SPRED2: variants seen among roughly 807,000 people sequenced by gnomAD.
SPRED2 encodes sprouty related EVH1 domain containing 2, also known as sprouty-related, EVH1 domain-containing protein 2.
Under a neutral mutation model 43.0 loss-of-function variants are expected in SPRED2, and 47 were observed. The observed-to-expected ratio is 1.09, with a 90% CI of 0.87 to 1.40. The LOEUF (loss-of-function observed/expected upper bound fraction) is 1.40, where lower values mean the gene tolerates loss of function less well. SPRED2 is among the 40% of genes most tolerant of loss of function. SPRED2 has a pLI of 0.00. For synonymous variants in SPRED2, 225 were observed against 225.7 expected, an observed-to-expected ratio of 1.00 and a Z score of 0.03; for missense variants, 561 against 586.4, an observed-to-expected ratio of 0.96 and a Z score of 0.45.
At chr2:65,322,270 C>CTATATATA (rs68086040) in intron 4 of SPRED2, among the ~76,000 whole-genome samples, 5 of 36,470 alleles carry the variant, frequency 1.4e-4, no homozygotes, top group Admixed American at 4.6e-4. Context: ...CTCTCTCTCT[C>CTATATATA]TATATATATA....
chr2:65,320,624 G>A (rs1001163826), intron 4 of SPRED2, among the ~76,000 whole-genome samples: 7 of 152,176 alleles, frequency 4.6e-5, no homozygotes, highest in African/African-American at 1.2e-4. Flanking sequence ...CTGAGGTTGC[G>A]TCCTAGCCGA....
chr2:65,375,488 G>C (rs1015018515), intron 1 of SPRED2, among the ~76,000 whole-genome samples: 18 of 152,180 alleles, frequency 1.2e-4, no homozygotes, highest in Non-Finnish European at 7.4e-5. Flanking sequence ...AGGGCCAAAG[G>C]AGGAGGGCTT....
intron 1 of SPRED2, among the ~76,000 whole-genome samples, chr2:65,394,038 A>C (rs146162873): frequency 6.6e-6 from 1 of 152,308 alleles, no homozygotes; most frequent in Non-Finnish European, 1.5e-5. Flanking sequence ...CGTGTGAAAT[A>C]CTAAGGCAGG....
At chr2:65,412,416 T>C (rs569979555) in intron 1 of SPRED2, among the ~76,000 whole-genome samples, 2 of 152,304 alleles carry the variant, frequency 1.3e-5, no homozygotes, top group African/African-American at 4.8e-5. Flanking sequence ...GCACGCCAGA[T>C]TCTGGACAGA....
chr2:65,322,537 C>T (rs1195065147), intron 4 of SPRED2, among the ~76,000 whole-genome samples: 1 of 152,006 alleles, frequency 6.6e-6, no homozygotes, highest in Non-Finnish European at 1.5e-5. Flanking sequence ...TCGTTATCCA[C>T]CTGCCTTGGC....
chr2:65,397,192 C>A (rs1375215165), intron 1 of SPRED2, among the ~76,000 whole-genome samples: 1 of 152,142 alleles, frequency 6.6e-6, no homozygotes, highest in Non-Finnish European at 1.5e-5. Flanking sequence ...CAGATACACA[C>A]TACATCTTGG....
chr2:65,329,292 C>T (rs1673736128), intron 4 of SPRED2, among the ~76,000 whole-genome samples: 2 of 152,162 alleles, frequency 1.3e-5, no homozygotes, highest in African/African-American at 4.8e-5. Flanking sequence ...AATCTAATGA[C>T]AGGGAGCTCA....
At chr2:65,339,030 C>G (rs1474336721) in intron 2 of SPRED2, among the ~76,000 whole-genome samples, 2 of 147,934 alleles carry the variant, frequency 1.4e-5, no homozygotes, top group African/African-American at 5.0e-5. Flanking sequence ...GGCCAGCCGC[C>G]CCGTCCGGGA....
In SPRED2 at chr2:65,344,762, C is replaced by CGTCCATTGCCT; in HGVS notation, c.150_160dup (p.Arg54GlnfsTer26). On this transcript the variant is annotated frameshift_variant, in exon 2 of 6. Transcript: ENST00000356388. LOFTEE classifies it high-confidence loss of function. ...TTCACCATGGATGAGAAAGCCGCTT[C>CGTCCATTGCCT]GTCCATTGCCTTCGGGGTGCATGAC... The CGTCCATTGCCT allele has an allele frequency of 1.2e-6, 2 of 1,614,176 alleles. No homozygotes were observed. The highest frequency in any genetic ancestry group is 1.1e-5 in the South Asian group (1 of 91,064).
chr2:65,410,582 A>AC (rs1676132358), intron 1 of SPRED2, among the ~76,000 whole-genome samples: 1 of 151,878 alleles, frequency 6.6e-6, no homozygotes, highest in African/African-American at 2.4e-5. Context: ...ACATGGTGAG[A>AC]CCCCGTCTTT....
intron 4 of SPRED2, among the ~76,000 whole-genome samples, chr2:65,317,215 C>G (rs1430850626): frequency 3.9e-5 from 6 of 152,138 alleles, no homozygotes; most frequent in Non-Finnish European, 7.4e-5. Context: ...CTAGTTTGAT[C>G]AAGAATGGTT....
chr2:65,391,510 GC>G (rs1675635928), intron 1 of SPRED2, among the ~76,000 whole-genome samples: 1 of 152,084 alleles, frequency 6.6e-6, no homozygotes. Flanking sequence ...GTTTTGTATT[GC>G]CCATCTTATT....
intron 1 of SPRED2, 92 bp from the exon 2 acceptor site, chr2:65,344,988 CTTTT>C (rs1315958521): frequency 7.7e-7 from 1 of 1,291,446 alleles, no homozygotes; most frequent in East Asian, 2.5e-5. Context: ...CCAGCCAGCA[CTTTT>C]TTTGTTTTAT....
chr2:65,320,618 G>A (rs2104141832), intron 4 of SPRED2, among the ~76,000 whole-genome samples: 1 of 152,302 alleles, frequency 6.6e-6, no homozygotes, highest in South Asian at 2.1e-4. Flanking sequence ...GCAGAGCTGA[G>A]GTTGCGTCCT....
chr2:65,381,531 C>T (rs11694196), intron 1 of SPRED2, among the ~76,000 whole-genome samples: 7,832 of 152,282 alleles, frequency 0.051, 298 homozygotes, highest in Middle Eastern at 0.15. Flanking sequence ...TGCTAGTTAG[C>T]TGCACATAGC....
intron 2 of SPRED2, among the ~76,000 whole-genome samples, chr2:65,341,018 T>C (rs148352146): frequency 4.3e-4 from 64 of 148,258 alleles, no homozygotes; most frequent in Non-Finnish European, 8.8e-4. Flanking sequence ...AAGGAAGAGT[T>C]ATCATATCTC....
chr2:65,378,031 A>C (rs1210569710), intron 1 of SPRED2: 22 of 222,754 alleles, frequency 9.9e-5, no homozygotes, highest in Non-Finnish European at 1.7e-4. Flanking sequence ...ATCCCACCAG[A>C]AGGGCTAAGG....
At chr2:65,372,610 G>A (rs1675152709) in intron 1 of SPRED2, among the ~76,000 whole-genome samples, 1 of 152,158 alleles carries the variant, frequency 6.6e-6, no homozygotes, top group African/African-American at 2.4e-5. Context: ...TCTAGATCTA[G>A]AAGTGGAATT....
At chr2:65,348,437 A>G (rs1353572080) in intron 1 of SPRED2, among the ~76,000 whole-genome samples, 1 of 150,868 alleles carries the variant, frequency 6.6e-6, no homozygotes, top group East Asian at 1.9e-4. Context: ...AGAGCCTAGA[A>G]TGGTGTCTTA....
Sources: allele counts gnomAD v4.1 joint callset (sites outside exome capture counted in the v4.1 genomes callset), GRCh38; gene constraint gnomAD v4.1.1; transcripts MANE v1.5; gene names NCBI Gene and HGNC (gene_info 2026-07-23, HGNC 2026-07-21).